CACNA2D1: variants seen among roughly 807,000 people sequenced by gnomAD.
CACNA2D1 encodes the protein voltage-dependent calcium channel subunit alpha-2/delta-1.
A neutral mutation model predicts 171.5 loss-of-function variants in CACNA2D1; 53 were observed. The ratio of observed to expected loss-of-function variants is 0.31; its 90% CI spans 0.25 to 0.39. CACNA2D1 has a LOEUF of 0.39. Ranked by LOEUF, CACNA2D1 falls within the 10% of genes least tolerant of loss-of-function variation. The pLI, the probability that CACNA2D1 is intolerant of heterozygous loss-of-function variation, is 1.00. For synonymous variants in CACNA2D1, 442 were observed against 443.1 expected, an observed-to-expected ratio of 1.00 and a Z score of 0.03; for missense variants, 903 against 1,299.8, an observed-to-expected ratio of 0.69 and a Z score of 4.69.
chr7:82,056,557 G>A (rs1425838755), intron 10 of CACNA2D1, among the ~76,000 whole-genome samples: 2 of 152,082 alleles, frequency 1.3e-5, no homozygotes, highest in African/African-American at 4.8e-5. Context: ...AGTAGAGAGA[G>A]AGGATACACA....
chr7:81,955,984 T>A (rs1465753163), intron 38 of CACNA2D1, among the ~76,000 whole-genome samples: 497 of 49,548 alleles, frequency 0.01, 1 homozygote, highest in African/African-American at 0.032. Flanking sequence ...ATATATATTT[T>A]TTTTTTTTTT....
At chr7:81,965,066 A>G (rs900710056) in intron 32 of CACNA2D1, among the ~76,000 whole-genome samples, 1 of 151,876 alleles carries the variant, frequency 6.6e-6, no homozygotes, top group Admixed American at 6.6e-5. Flanking sequence ...AATCAGCTCC[A>G]CCCCATAAAT....
intron 24 of CACNA2D1, among the ~76,000 whole-genome samples, chr7:81,981,913 A>G (rs1796476177): frequency 6.6e-6 from 1 of 152,198 alleles, no homozygotes; most frequent in Admixed American, 6.5e-5. Flanking sequence ...ACCATTAAAA[A>G]AATCCATTAT....
chr7:82,156,431 A>G (rs1368676026), intron 4 of CACNA2D1, among the ~76,000 whole-genome samples: 3 of 152,122 alleles, frequency 2.0e-5, no homozygotes, highest in African/African-American at 2.4e-5. Context: ...AGTCTTTTCC[A>G]AGGGAGAACG....
At chr7:82,153,668 A>T (rs948265593) in intron 4 of CACNA2D1, among the ~76,000 whole-genome samples, 1 of 152,098 alleles carries the variant, frequency 6.6e-6, no homozygotes, top group Non-Finnish European at 1.5e-5. Flanking sequence ...GCTTCGTATG[A>T]CTACTTCTTG....
At chr7:82,085,686 G>A (rs564209831) in intron 6 of CACNA2D1, among the ~76,000 whole-genome samples, 1 of 147,514 alleles carries the variant, frequency 6.8e-6, no homozygotes, top group Admixed American at 6.8e-5. Flanking sequence ...ATAAACAATA[G>A]TTTTTTTTTT....
chr7:82,018,318 G>T (rs1353243176), intron 12 of CACNA2D1, among the ~76,000 whole-genome samples: 1 of 152,134 alleles, frequency 6.6e-6, no homozygotes, highest in African/African-American at 2.4e-5. Context: ...AAAAACAAGT[G>T]AATAGATGCT....
Position 82,412,324 on chromosome 7 carries a change from C to T in CACNA2D1, c.95+31041G>A, listed in dbSNP as rs555586124. 4.7e-5 allele frequency among the ~76,000 whole-genome samples: 7 copies of T among 149,546 alleles called. No individual in the cohort carries two copies. In the South Asian group the frequency reaches 1.5e-3, roughly 32 times the overall value. ...TTGAGACACAGCCTTGCTTTGTCACCCAGGCTGGAGTGCAAAGACACAACC... is the reference window on the plus strand; with the variant it reads ...TTGAGACACAGCCTTGCTTTGTCACTCAGGCTGGAGTGCAAAGACACAACC... On this transcript the variant is annotated intron_variant, in intron 1 of 38. Transcript: ENST00000356860.
intron 3 of CACNA2D1, among the ~76,000 whole-genome samples, chr7:82,326,320 A>G (rs1477744619): frequency 6.6e-6 from 1 of 152,136 alleles, no homozygotes; most frequent in Non-Finnish European, 1.5e-5. Flanking sequence ...TTGGTTTGTT[A>G]TATGGCGTGT....
chr7:82,399,122 G>A (rs1240361653), intron 1 of CACNA2D1, among the ~76,000 whole-genome samples: 4 of 152,242 alleles, frequency 2.6e-5, no homozygotes, highest in African/African-American at 9.6e-5. Context: ...AAAAATCAGA[G>A]TCAGCACTAA....
At position 81,946,896 on chromosome 7, in the gene CACNA2D1, T is replaced by C. The variant is rs773038203; in HGVS notation, c.*3496A>G. 1 of 152,110 alleles carries C rather than the reference T, an allele frequency of 6.6e-6. No individual in the cohort carries two copies. Among genetic ancestry groups the C allele is most frequent in the South Asian group, 2.1e-4 (1 of 4,834 alleles). The allele number at this position is 152,110 out of a possible 1,614,324, so 9.4% of individuals were successfully genotyped here. On this transcript the variant is annotated 3_prime_UTR_variant, in exon 39 of 39. Transcript: ENST00000356860. ...TTTTTCAACACTCAAAACATTATAT[T>C]GGTTTGCTCTTTACAGAAATGTACT... is the stretch of plus-strand genomic sequence containing the variant.
chr7:82,026,873 TA>T (rs1801991293), intron 12 of CACNA2D1, among the ~76,000 whole-genome samples: 1 of 151,794 alleles, frequency 6.6e-6, no homozygotes, highest in Non-Finnish European at 1.5e-5. Flanking sequence ...GTTGTTTTAA[TA>T]AAATACAGGT....
At chr7:82,170,428 G>C in intron 4 of CACNA2D1, 122 bp downstream of exon 4, 1 of 882,126 alleles carries the variant, frequency 1.1e-6, no homozygotes, top group Non-Finnish European at 1.9e-6. Context: ...CAACAAGTAT[G>C]ATTATTTTTA....
chr7:82,207,419 A>C (rs987173320), intron 3 of CACNA2D1, among the ~76,000 whole-genome samples: 3 of 152,194 alleles, frequency 2.0e-5, no homozygotes, highest in African/African-American at 7.2e-5. Flanking sequence ...ATTCACAATA[A>C]AACAGCTTTG....
intron 2 of CACNA2D1, among the ~76,000 whole-genome samples, chr7:82,335,641 G>A (rs1817909368): frequency 6.6e-6 from 1 of 152,214 alleles, no homozygotes; most frequent in African/African-American, 2.4e-5. Flanking sequence ...CTGGAGGAGT[G>A]TGGAAAACAA....
chr7:82,038,963 G>A (rs758150928), intron 10 of CACNA2D1, among the ~76,000 whole-genome samples: 2 of 152,044 alleles, frequency 1.3e-5, no homozygotes, highest in Non-Finnish European at 2.9e-5. Flanking sequence ...TATTCACATC[G>A]TTCCCTGGAT....
At chr7:82,249,226 C>T (rs1805343242) in intron 3 of CACNA2D1, among the ~76,000 whole-genome samples, 2 of 151,878 alleles carry the variant, frequency 1.3e-5, no homozygotes, top group South Asian at 4.2e-4. Flanking sequence ...GGGTAAAAGA[C>T]ACTAGGAAAT....
At chr7:82,191,702 T>C (rs1469023666) in intron 3 of CACNA2D1, among the ~76,000 whole-genome samples, 1 of 151,798 alleles carries the variant, frequency 6.6e-6, no homozygotes, top group Admixed American at 6.6e-5. Flanking sequence ...CTTCCTCTCT[T>C]GTTAGAGGCA....
intron 7 of CACNA2D1, among the ~76,000 whole-genome samples, chr7:82,072,231 T>C (rs1352466506): frequency 6.6e-6 from 1 of 152,124 alleles, no homozygotes; most frequent in East Asian, 1.9e-4. Context: ...ACAATTGGAA[T>C]GTTCATAATA....
Sources: gnomAD v4.1 joint callset for allele counts (sites outside exome capture counted in the v4.1 genomes callset) on GRCh38, gnomAD v4.1.1 for gene constraint, MANE v1.5 for transcripts, NCBI Gene and HGNC (gene_info 2026-07-23, HGNC 2026-07-21) for gene names.